The following KLF17 variants were observed in gnomAD, a reference collection of about 807,000 sequenced individuals.
KLF17 encodes KLF transcription factor 17.
A neutral mutation model predicts 34.2 loss-of-function variants in KLF17; 31 were observed. The observed-to-expected ratio is 0.91, with a 90% CI of 0.68 to 1.22. KLF17 has a LOEUF of 1.22. KLF17 is among the 50% of genes most tolerant of loss of function. The pLI is 0.00. For missense variants in KLF17, 478 were observed against 505.2 expected, an observed-to-expected ratio of 0.95 and a Z score of 0.52; for synonymous variants, 179 against 186.7, an observed-to-expected ratio of 0.96 and a Z score of 0.34.
chr1:44,082,800 C>T, the KLF17 span, among the ~76,000 whole-genome samples: 8 of 152,198 alleles, frequency 5.3e-5, no homozygotes, highest in South Asian at 8.3e-4. Flanking sequence ...ACCTTAGAAA[C>T]GCGACCCCAA....
chr1:44,100,262 A>G, the KLF17 span, among the ~76,000 whole-genome samples: 1 of 144,152 alleles, frequency 6.9e-6, no homozygotes, highest in Admixed American at 7.1e-5. Context: ...CATCTCAAAA[A>G]AAAAAAAAAA....
At position 44,130,416 on chromosome 1, in the gene KLF17, C is replaced by T. The variant is rs1335460500; in HGVS notation, c.926-96C>T. 5 of 1,528,250 alleles carry T rather than the reference C, an allele frequency of 3.3e-6. No individual in the cohort carries two copies. The African/African-American group carries it at 4.1e-5, about 13-fold the overall frequency. The allele number at this position is 1,528,250 out of a possible 1,614,324, so 94.7% of individuals were successfully genotyped here. On this transcript the variant is annotated intron_variant, in intron 2 of 3. Transcript: ENST00000372299. Reference sequence around the variant, plus strand: ...CCCTCCCTGGTTCCCTGGACCTTCCCTTTTGAATCCTCAACCTGGACTGCT... The same window carrying T: ...CCCTCCCTGGTTCCCTGGACCTTCCTTTTTGAATCCTCAACCTGGACTGCT...
chr1:44,119,970 G>T (rs2087927863), intron 1 of KLF17, among the ~76,000 whole-genome samples: 1 of 152,258 alleles, frequency 6.6e-6, no homozygotes, highest in Non-Finnish European at 1.5e-5. Flanking sequence ...ACCTGCAGAA[G>T]TGAGAGTGGA....
At chr1:44,087,769 T>TAC in the KLF17 span, among the ~76,000 whole-genome samples, 181 of 52,242 alleles carry the variant, frequency 3.5e-3, 2 homozygotes, top group Non-Finnish European at 4.2e-3. Flanking sequence ...TATATATATA[T>TAC]ACACACACAC....
chr1:44,119,105 T>C, intron 1 of KLF17, 117 bp downstream of exon 1: 1 of 419,102 alleles, frequency 2.4e-6, no homozygotes, highest in Non-Finnish European at 3.7e-6. Context: ...GGGGTAGAAA[T>C]CCGAGGGGAG....
Position 44,130,133 on chromosome 1 carries a change from G to A in KLF17, c.862G>A (p.Glu288Lys), listed in dbSNP as rs766222742. The A allele has an allele frequency of 8.1e-6, 13 of 1,614,086 alleles. No individual in the cohort carries two copies. The Admixed American group carries it at 8.3e-5, about 10-fold the overall frequency. Residue 288 changes from glutamate to lysine, a missense_variant, in exon 2 of 4, where the codon GAG (glutamate) becomes AAG (lysine). Coordinates refer to ENST00000372299, the MANE Select transcript of KLF17 (RefSeq NM_173484.4). ...SEARPYCCNYENCGKAYTKRS... is the reference protein window; with the variant it reads ...SEARPYCCNYKNCGKAYTKRS... ...GGCAAGGCCTTACTGCTGCAACTAC[G>A]AGAACTGCGGAAAAGCTTATACCAA...
At chr1:44,119,999 A>G (rs561733343) in intron 1 of KLF17, among the ~76,000 whole-genome samples, 220 of 152,356 alleles carry the variant, frequency 1.4e-3, no homozygotes, top group African/African-American at 4.4e-3. Flanking sequence ...AGCTAAATAT[A>G]TCATAGATTG....
the KLF17 span, among the ~76,000 whole-genome samples, chr1:44,099,897 GAAAGAAAGAA>G: frequency 1.7e-5 from 1 of 57,920 alleles, no homozygotes; most frequent in Non-Finnish European, 3.7e-5. Context: ...AAGAAAGAAA[GAAAGAAAGAA>G]AGAAAGAAAG....
Position 44,118,914 on chromosome 1 carries a change from G to C in KLF17, c.7G>C (p.Gly3Arg). 1 of 1,611,668 alleles carries C rather than the reference G, an allele frequency of 6.2e-7. No homozygotes were observed. Among genetic ancestry groups the C allele is most frequent in the African/African-American group, 1.3e-5 (1 of 74,934 alleles). Residue 3 changes from glycine (G) to arginine (R), a missense_variant, in exon 1 of 4, where the codon GGC (glycine) becomes CGC (arginine). By Grantham distance (125) the Gly-to-Arg change is moderately radical (BLOSUM62 -2). Transcript: ENST00000372299. Reference protein sequence around the residue: MYGRPQAEMEQEA... With the variant: MYRRPQAEMEQEA... ...TAGACCCCACCCAGTCTTCATGTAC[G>C]GCCGACCGCAGGCTGAGATGGAACA...
the KLF17 span, among the ~76,000 whole-genome samples, chr1:44,091,950 A>ACC: frequency 9.1e-6 from 1 of 110,330 alleles, no homozygotes; most frequent in Non-Finnish European, 1.7e-5. Flanking sequence ...CAACAACAAC[A>ACC]ACACACACAC....
At chr1:44,074,257 T>C in the KLF17 span, among the ~76,000 whole-genome samples, 1 of 152,064 alleles carries the variant, frequency 6.6e-6, no homozygotes, top group African/African-American at 2.4e-5. Flanking sequence ...ATCTCGTTTA[T>C]GTTTTATCTC....
At chr1:44,127,069 T>G (rs1050152003) in intron 1 of KLF17, among the ~76,000 whole-genome samples, 1 of 150,118 alleles carries the variant, frequency 6.7e-6, no homozygotes, top group African/African-American at 2.5e-5. Flanking sequence ...GCTTGTTTTT[T>G]TTTTTTTTTT....
chr1:44,120,956 C>A (rs980953852), intron 1 of KLF17, among the ~76,000 whole-genome samples: 6 of 152,192 alleles, frequency 3.9e-5, no homozygotes, highest in African/African-American at 1.4e-4. Context: ...GGCATAGCCA[C>A]TGCACTTCAG....
the KLF17 span, among the ~76,000 whole-genome samples, chr1:44,098,093 C>T: frequency 6.6e-6 from 1 of 152,084 alleles, no homozygotes; most frequent in Admixed American, 6.6e-5. Context: ...CCTCAGCCTC[C>T]TGAGTAGATA....
the KLF17 span, among the ~76,000 whole-genome samples, chr1:44,068,110 C>T: frequency 0.4 from 59,684 of 150,954 alleles, 12,001 homozygotes; most frequent in East Asian, 0.57. Flanking sequence ...CTATAATCTC[C>T]GCCCCCTGGG....
chr1:44,125,336 C>T (rs1425716153), intron 1 of KLF17, among the ~76,000 whole-genome samples: 4 of 152,156 alleles, frequency 2.6e-5, no homozygotes, highest in Non-Finnish European at 5.9e-5. Context: ...TCCTTTAGTA[C>T]TTTGAATATA....
chr1:44,129,227 G>A, intron 1 of KLF17, 126 bp from the exon 2 acceptor site: 1 of 1,168,762 alleles, frequency 8.6e-7, no homozygotes, highest in Non-Finnish European at 1.2e-6. Flanking sequence ...GAAATGGTCT[G>A]GAGGCAGGAT....
the KLF17 span, among the ~76,000 whole-genome samples, chr1:44,071,917 C>T: frequency 6.6e-6 from 1 of 152,080 alleles, no homozygotes; most frequent in Non-Finnish European, 1.5e-5. Context: ...CCCCTCCACC[C>T]CCATCACACT....
At chr1:44,069,258 C>T in the KLF17 span, among the ~76,000 whole-genome samples, 2 of 152,108 alleles carry the variant, frequency 1.3e-5, no homozygotes, top group African/African-American at 4.8e-5. This position sits in a 1 kb window ranked among gnomAD's most constrained non-coding sequence, Gnocchi z 4.7. Flanking sequence ...GAGGGGTCCA[C>T]CCCAGTCTAG....
Sources: allele counts gnomAD v4.1 joint callset (sites outside exome capture counted in the v4.1 genomes callset), GRCh38; gene constraint gnomAD v4.1.1; non-coding constraint Gnocchi (gnomAD v3.1); transcripts MANE v1.5; gene names NCBI Gene and HGNC (gene_info 2026-07-23, HGNC 2026-07-21).